Variants in TBC1D15 observed in about 807,000 individuals in gnomAD.
The protein encoded by TBC1D15 is GAP for RAB7.
TBC1D15 carries 39 observed loss-of-function variants against 95.4 expected under a neutral mutation model. The ratio of observed to expected loss-of-function variants is 0.41; its 90% CI spans 0.32 to 0.53. The LOEUF (loss-of-function observed/expected upper bound fraction) is 0.53, where lower values mean the gene tolerates loss of function less well. TBC1D15 is among the 20% of genes least tolerant of loss of function. TBC1D15 has a pLI of 0.29. For missense variants in TBC1D15, 733 were observed against 794.3 expected (o/e 0.92, Z 0.93); for synonymous variants, 258 against 261.3 (o/e 0.99, Z 0.12).
intron 1 of TBC1D15, among the ~76,000 whole-genome samples, chr12:71,866,942 T>C (rs1160800203): frequency 6.6e-6 from 1 of 152,206 alleles, no homozygotes; most frequent in Non-Finnish European, 1.5e-5. Context: ...TTTTGTATTT[T>C]AATAAACACA....
At chr12:71,861,266 T>G in intron 1 of TBC1D15, 1 of 427,618 alleles carries the variant, frequency 2.3e-6, no homozygotes. Context: ...TCTGGAAGAG[T>G]TTGGGAAGAA....
intron 1 of TBC1D15, among the ~76,000 whole-genome samples, chr12:71,860,758 G>T (rs1017011794): frequency 6.6e-6 from 1 of 151,982 alleles, no homozygotes; most frequent in Non-Finnish European, 1.5e-5. Flanking sequence ...CTTCCAGTAC[G>T]GTGTTGACTA....
intron 1 of TBC1D15, among the ~76,000 whole-genome samples, chr12:71,848,426 T>C (rs1886879642): frequency 2.0e-5 from 3 of 152,248 alleles, no homozygotes; most frequent in African/African-American, 7.2e-5. Context: ...AGTTTACATT[T>C]CTGTAATGAC....
At chr12:71,897,973 A>AG (rs1898555228) in intron 10 of TBC1D15, 32 bp downstream of exon 10, 2 of 1,476,570 alleles carry the variant, frequency 1.4e-6, no homozygotes, top group African/African-American at 1.4e-5. Flanking sequence ...TGGAAATGCA[A>AG]GGGGGGATTA....
chr12:71,874,431 C>CAT (rs1261567182), intron 3 of TBC1D15, among the ~76,000 whole-genome samples: 6 of 152,056 alleles, frequency 3.9e-5, no homozygotes, highest in Admixed American at 3.3e-4. Context: ...TTTGATGTAG[C>CAT]ATAGTACTTG....
chr12:71,864,223 C>T (rs1890985546), intron 1 of TBC1D15, among the ~76,000 whole-genome samples: 1 of 151,978 alleles, frequency 6.6e-6, no homozygotes, highest in Non-Finnish European at 1.5e-5. Flanking sequence ...GCACGTGCCA[C>T]CATGCCTAGC....
intron 8 of TBC1D15, 118 bp from the exon 9 acceptor site, chr12:71,896,559 A>G (rs902780007): frequency 1.0e-5 from 8 of 781,074 alleles, no homozygotes; most frequent in African/African-American, 1.8e-5. Context: ...GAATTGAACT[A>G]TTTACATATA....
chr12:71,897,993 C>A, intron 10 of TBC1D15, 52 bp downstream of exon 10: 3 of 1,353,510 alleles, frequency 2.2e-6, no homozygotes, highest in Non-Finnish European at 2.1e-6. Flanking sequence ...ACATTGAAAT[C>A]TTGATAAGAG....
intron 1 of TBC1D15, among the ~76,000 whole-genome samples, chr12:71,858,150 G>T (rs975594636): frequency 2.6e-5 from 4 of 151,744 alleles, no homozygotes; most frequent in African/African-American, 9.7e-5. Flanking sequence ...TCGGCTCACC[G>T]CAGCCTCCAT....
intron 1 of TBC1D15, chr12:71,841,000 C>T (rs1423326816): frequency 6.6e-6 from 1 of 152,146 alleles, no homozygotes; most frequent in Non-Finnish European, 1.5e-5. Flanking sequence ...TAAAATTACA[C>T]ACTTGTACCT....
intron 14 of TBC1D15, 102 bp from the exon 15 acceptor site, chr12:71,920,629 A>G: frequency 1.1e-6 from 1 of 909,458 alleles, no homozygotes; most frequent in Non-Finnish European, 1.8e-6. Flanking sequence ...AACAGGCAAC[A>G]TCTACTTTGC....
intron 15 of TBC1D15, 55 bp from the exon 16 acceptor site, chr12:71,921,308 TAATAG>T: frequency 1.1e-6 from 1 of 871,856 alleles, no homozygotes; most frequent in East Asian, 2.9e-5. Flanking sequence ...ATTGTTTATA[TAATAG>T]AATATAATAG....
chr12:71,913,751 G>T (rs969963335), intron 11 of TBC1D15, 75 bp from the exon 12 acceptor site: 38 of 920,988 alleles, frequency 4.1e-5, no homozygotes, highest in Non-Finnish European at 6.1e-5. Flanking sequence ...AAGCGAAATG[G>T]TGGTGATATG....
chr12:71,879,840 A>G (rs918550902), intron 3 of TBC1D15, among the ~76,000 whole-genome samples: 1 of 152,158 alleles, frequency 6.6e-6, no homozygotes, highest in Non-Finnish European at 1.5e-5. Flanking sequence ...TATATTTTAG[A>G]AAGATGTTGT....
intron 15 of TBC1D15, among the ~76,000 whole-genome samples, 195 bp from the exon 16 acceptor site, chr12:71,921,173 C>T (rs1202385078): frequency 6.6e-6 from 1 of 151,940 alleles, no homozygotes. Flanking sequence ...AGCTTATTAG[C>T]TAGTCTTTAG....
intron 1 of TBC1D15, among the ~76,000 whole-genome samples, chr12:71,862,332 A>G (rs1171189113): frequency 6.6e-6 from 1 of 151,970 alleles, no homozygotes; most frequent in Non-Finnish European, 1.5e-5. Flanking sequence ...TAGAGCTAGT[A>G]TTTTGCTTTA....
At position 71,896,688 on chromosome 12, in the gene TBC1D15, T is replaced by C. The variant is rs1205903527; in HGVS notation, c.996T>C (p.His332=). The change falls in exon 9 of 17, where the codon CAT becomes CAC. Residue 332 remains histidine, a synonymous_variant. Coordinates refer to ENST00000485960, the MANE Select transcript of TBC1D15 (RefSeq NM_001146213.3). ...KQMIFRGGLS[H]ALRKQAWKFL... ...TATGCTTTCTTCAGGGACTTAGTCA[T>C]GCATTGAGAAAGCAAGCATGGAAAT... 1.9e-6 allele frequency: 3 copies of C among 1,612,840 alleles called. No individual in the cohort carries two copies. The South Asian group carries it at 3.3e-5, about 18-fold the overall frequency.
rs781477125 is a variant in TBC1D15 at position 71,920,735 on chromosome 12, T to C, written c.1604T>C (p.Met535Thr). 31 of 1,610,748 alleles carry C rather than the reference T, an allele frequency of 1.9e-5. No homozygotes were observed. In the South Asian group the frequency reaches 3.2e-4, roughly 17 times the overall value. Residue 535 changes from methionine to threonine, a missense_variant, in exon 15 of 17, where the codon ATG becomes ACG. Coordinates refer to ENST00000485960, the MANE Select transcript of TBC1D15 (RefSeq NM_001146213.3). ...TAGTTCTTCTGCCTTCTATAGGTAA[T>C]GTGGACCGAACTACCATGTACAAAT... ...FLDILRLWEV[M>T]WTELPCTNFH...
chr12:71,854,874 A>G, intron 1 of TBC1D15: 1 of 456,152 alleles, frequency 2.2e-6, no homozygotes, highest in South Asian at 1.6e-5. Context: ...TCATTGTTGA[A>G]TTTGTATCAT....
Sources: allele counts gnomAD v4.1 joint callset (sites outside exome capture counted in the v4.1 genomes callset), GRCh38; gene constraint gnomAD v4.1.1; transcripts MANE v1.5; gene names NCBI Gene and HGNC (gene_info 2026-07-23, HGNC 2026-07-21).